The following MECR variants were observed in gnomAD, a reference collection of about 807,000 sequenced individuals.
MECR encodes mitochondrial trans-2-enoyl-CoA reductase.
A neutral mutation model predicts 49.1 loss-of-function variants in MECR; 37 were observed. That is an observed-to-expected ratio of 0.75 (90% CI 0.58 to 0.99). The LOEUF (loss-of-function observed/expected upper bound fraction) is 0.99, where lower values mean the gene tolerates loss of function less well. MECR is among the 50% of genes least tolerant of loss of function. The probability of loss-of-function intolerance (pLI) is 0.00; values close to 1 mark genes in which losing one functional copy is unlikely to be tolerated. For missense variants in MECR, 470 were observed against 479.6 expected (o/e 0.98, Z 0.19); for synonymous variants, 198 against 191.1 (o/e 1.04, Z -0.30).
At chr1:29,189,592 A>G (rs1673085088), downstream of MECR, among the ~76,000 whole-genome samples, 1 of 152,176 alleles carries the variant, frequency 6.6e-6, no homozygotes, top group South Asian at 2.1e-4. Context: ...CTCTTTTGGC[A>G]CTGTTTCCTT....
chr1:29,211,326 C>T (rs1034429105), intron 3 of MECR, among the ~76,000 whole-genome samples: 9 of 152,202 alleles, frequency 5.9e-5, no homozygotes, highest in African/African-American at 2.4e-5. Flanking sequence ...GCCTTGGCCT[C>T]CCATGCTGGG....
chr1:29,227,695 T>C (rs1411622410), intron 1 of MECR, among the ~76,000 whole-genome samples: 1 of 152,140 alleles, frequency 6.6e-6, no homozygotes, highest in African/African-American at 2.4e-5. Context: ...CTCTAGGTAG[T>C]CCCATGACCC....
chr1:29,175,499 T>C, the MECR span, among the ~76,000 whole-genome samples: 10 of 150,110 alleles, frequency 6.7e-5, no homozygotes, highest in Non-Finnish European at 1.3e-4. Context: ...ATCGAGACCA[T>C]CCTGGGTAAC....
intron 7 of MECR, 121 bp from the exon 8 acceptor site, chr1:29,196,379 G>C: frequency 1.1e-6 from 1 of 889,330 alleles, no homozygotes; most frequent in Non-Finnish European, 1.7e-6. Context: ...CAGAATCTCT[G>C]GGAAAGGTTG....
At chr1:29,214,394 C>T (rs1425890827) in intron 3 of MECR, among the ~76,000 whole-genome samples, 3 of 147,402 alleles carry the variant, frequency 2.0e-5, no homozygotes, top group Non-Finnish European at 4.5e-5. Flanking sequence ...TGGAGTCTCA[C>T]TCTGTTGCCC....
intron 1 of MECR, among the ~76,000 whole-genome samples, chr1:29,226,385 C>A (rs117325122): frequency 6.6e-6 from 1 of 151,920 alleles, no homozygotes; most frequent in East Asian, 1.9e-4. Flanking sequence ...CTTTCTACAG[C>A]GTAGAAATTT....
At chr1:29,176,339 CATTA>C in the MECR span, among the ~76,000 whole-genome samples, 1 of 152,062 alleles carries the variant, frequency 6.6e-6, no homozygotes, top group African/African-American at 2.4e-5. Flanking sequence ...TTTTGTCACT[CATTA>C]GTTATAGCAT....
At chr1:29,226,490 G>T (rs2151919724) in intron 1 of MECR, among the ~76,000 whole-genome samples, 1 of 152,292 alleles carries the variant, frequency 6.6e-6, no homozygotes, top group Admixed American at 6.5e-5. Context: ...TTGAGACTTT[G>T]GGAGGTTGAG....
chr1:29,183,409 A>C, the MECR span, among the ~76,000 whole-genome samples: 369 of 151,760 alleles, frequency 2.4e-3, 2 homozygotes, highest in African/African-American at 7.9e-3. Flanking sequence ...CTCTCTCTCT[A>C]TATATATCAT....
the MECR span, among the ~76,000 whole-genome samples, chr1:29,174,265 T>C: frequency 1.1e-4 from 16 of 151,942 alleles, no homozygotes; most frequent in Non-Finnish European, 1.9e-4. Context: ...TAAATATTAA[T>C]TTACCGAGTA....
chr1:29,216,248 G>T, intron 2 of MECR, 112 bp from the exon 3 acceptor site: 1 of 1,282,654 alleles, frequency 7.8e-7, no homozygotes, highest in Non-Finnish European at 1.1e-6. Context: ...TGGACTGTCT[G>T]CCTAACCAAC....
chr1:29,188,954 T>C (rs1271819894), downstream of MECR, among the ~76,000 whole-genome samples: 1 of 150,988 alleles, frequency 6.6e-6, no homozygotes, highest in Non-Finnish European at 1.5e-5. Context: ...AACTTTTTTG[T>C]ATGAGACGGA....
intron 4 of MECR, among the ~76,000 whole-genome samples, chr1:29,204,295 A>G (rs1346229944): frequency 6.6e-6 from 1 of 151,958 alleles, no homozygotes; most frequent in Non-Finnish European, 1.5e-5. Context: ...TTGAAATGCT[A>G]TCTGGTTTTT....
At chr1:29,170,318 T>C in the MECR span, 1 of 152,222 alleles carries the variant, frequency 6.6e-6, no homozygotes, top group Non-Finnish European at 1.5e-5. Context: ...TAATATAGAA[T>C]TACTTTATCT....
At chr1:29,196,324 A>G in intron 7 of MECR, 66 bp from the exon 8 acceptor site, 1 of 1,411,044 alleles carries the variant, frequency 7.1e-7, no homozygotes, top group Non-Finnish European at 9.8e-7. Context: ...TGAACCTGCC[A>G]TGGCGCTTCT....
chr1:29,176,702 G>A, the MECR span, among the ~76,000 whole-genome samples: 29,972 of 151,922 alleles, frequency 0.2, 3,537 homozygotes, highest in Non-Finnish European at 0.28. Flanking sequence ...ACACAACAAC[G>A]ACCTGCCTCA....
intron 1 of MECR, among the ~76,000 whole-genome samples, chr1:29,225,314 G>C (rs890687105): frequency 3.3e-5 from 5 of 152,058 alleles, no homozygotes; most frequent in Non-Finnish European, 5.9e-5. Context: ...TGCACATGCA[G>C]GTTCCTCTGC....
chr1:29,177,827 T>C, the MECR span, among the ~76,000 whole-genome samples: 4 of 151,910 alleles, frequency 2.6e-5, no homozygotes, highest in Non-Finnish European at 5.9e-5. Context: ...AATCCTTTCC[T>C]GAACACTAAA....
intron 3 of MECR, among the ~76,000 whole-genome samples, chr1:29,213,541 C>T (rs929061810): frequency 6.6e-6 from 1 of 152,360 alleles, no homozygotes; most frequent in Admixed American, 6.5e-5. Flanking sequence ...GGCCCTACCC[C>T]GCCCCAGGGG....
Sources: allele counts gnomAD v4.1 joint callset (sites outside exome capture counted in the v4.1 genomes callset), GRCh38; gene constraint gnomAD v4.1.1; transcripts MANE v1.5; gene names NCBI Gene and HGNC (gene_info 2026-07-23, HGNC 2026-07-21).